Variants in CADM2 observed in about 807,000 individuals in gnomAD.
CADM2 encodes cell adhesion molecule 2.
CADM2 carries 12 observed loss-of-function variants against 49.8 expected under a neutral mutation model. That is an observed-to-expected ratio of 0.24 (90% confidence interval 0.15 to 0.39). The LOEUF (loss-of-function observed/expected upper bound fraction) is 0.39, where lower values mean the gene tolerates loss of function less well. Ranked by LOEUF, CADM2 falls within the 10% of genes least tolerant of loss-of-function variation. CADM2 has a pLI of 1.00. For missense variants in CADM2, 378 were observed against 492.3 expected (o/e 0.77, Z 2.20); for synonymous variants, 214 against 175.4 (o/e 1.22, Z -1.74).
intron 5 of CADM2, among the ~76,000 whole-genome samples, chr3:85,894,271 C>T (rs1714899297): frequency 6.6e-6 from 1 of 152,124 alleles, no homozygotes. Context: ...ACCGCATGTT[C>T]TCACTCATAT....
chr3:85,008,645 A>C (rs1432974149), intron 1 of CADM2, among the ~76,000 whole-genome samples: 1 of 152,162 alleles, frequency 6.6e-6, no homozygotes, highest in Non-Finnish European at 1.5e-5. Context: ...TTAGAAAAAA[A>C]AATTGATTTC....
intron 1 of CADM2, among the ~76,000 whole-genome samples, chr3:85,075,242 A>G (rs977351206): frequency 6.6e-6 from 1 of 151,236 alleles, no homozygotes; most frequent in African/African-American, 2.4e-5. Context: ...TTTTTTTAAT[A>G]TCATAAGGTC....
chr3:86,055,148 G>T (rs1191005311), intron 8 of CADM2, among the ~76,000 whole-genome samples: 1 of 152,152 alleles, frequency 6.6e-6, no homozygotes, highest in Non-Finnish European at 1.5e-5. Flanking sequence ...GTTGCAGGAT[G>T]TCTAACCTTA....
chr3:85,220,129 A>T (rs900079056), intron 1 of CADM2, among the ~76,000 whole-genome samples: 1 of 151,928 alleles, frequency 6.6e-6, no homozygotes, highest in Non-Finnish European at 1.5e-5. Context: ...ATACACTAAA[A>T]TTTTTTTGGC....
At chr3:84,997,569 C>T (rs1001101182) in intron 1 of CADM2, among the ~76,000 whole-genome samples, 45 of 151,930 alleles carry the variant, frequency 3.0e-4, no homozygotes, top group African/African-American at 9.9e-4. Flanking sequence ...TCTGAAATAA[C>T]TGAGTTTTTC....
At chr3:85,536,287 A>C (rs771854691) in intron 1 of CADM2, among the ~76,000 whole-genome samples, 1 of 151,964 alleles carries the variant, frequency 6.6e-6, no homozygotes, top group Non-Finnish European at 1.5e-5. Context: ...ATTCGTTAGG[A>C]AGGAGAAATT....
In CADM2 at chr3:85,178,295, T is replaced by C. The variant is rs117673200; in HGVS notation, c.61+218627T>C. 9.1e-4 allele frequency among the ~76,000 whole-genome samples: 138 copies of C among 152,016 alleles called. No individual in the cohort carries two copies. The East Asian group carries it at 0.015, about 16-fold the overall frequency. ...AGAATATATTTTTTATTTTATTGAATTTTTATAATTGGTACACATTATACA... is the reference window on the plus strand; with the variant it reads ...AGAATATATTTTTTATTTTATTGAACTTTTATAATTGGTACACATTATACA... On this transcript the variant is annotated intron_variant, in intron 1 of 9. Transcript: ENST00000383699.
At chr3:85,874,909 C>T (rs1711592695) in intron 3 of CADM2, among the ~76,000 whole-genome samples, 1 of 152,088 alleles carries the variant, frequency 6.6e-6, no homozygotes, top group South Asian at 2.1e-4. Context: ...AGTCTTCTCT[C>T]ATAAAACTAC....
intron 1 of CADM2, among the ~76,000 whole-genome samples, chr3:85,548,999 A>G (rs1050632822): frequency 2.6e-5 from 4 of 152,242 alleles, no homozygotes; most frequent in Non-Finnish European, 4.4e-5. Flanking sequence ...TTATAGTGCT[A>G]CATAATAGAC....
chr3:85,019,644 A>C (rs1400804551), intron 1 of CADM2, among the ~76,000 whole-genome samples: 1 of 152,200 alleles, frequency 6.6e-6, no homozygotes. Context: ...TAGAGAAACA[A>C]GGCTAGCAAA....
At chr3:85,835,442 CA>C (rs1248789489) in intron 3 of CADM2, among the ~76,000 whole-genome samples, 3 of 150,638 alleles carry the variant, frequency 2.0e-5, no homozygotes, top group Non-Finnish European at 4.4e-5. Context: ...TTGGAAACTT[CA>C]AGAAGCTTTG....
At chr3:85,652,275 T>C (rs1443139282) in intron 1 of CADM2, among the ~76,000 whole-genome samples, 1 of 152,156 alleles carries the variant, frequency 6.6e-6, no homozygotes, top group African/African-American at 2.4e-5. Flanking sequence ...ATGAGCCTTC[T>C]AGAAGCAGGG....
intron 1 of CADM2, among the ~76,000 whole-genome samples, chr3:85,228,266 A>C (rs1400433415): frequency 6.6e-6 from 1 of 152,060 alleles, no homozygotes; most frequent in South Asian, 2.1e-4. Context: ...TACACCAATC[A>C]AATGTAGGTT....
At chr3:85,450,633 G>A (rs1398834921) in intron 1 of CADM2, among the ~76,000 whole-genome samples, 1 of 151,624 alleles carries the variant, frequency 6.6e-6, no homozygotes, top group East Asian at 1.9e-4. Context: ...TTTGTATTTT[G>A]CTCCTGTGAA....
At position 85,274,195 on chromosome 3, in the gene CADM2, G is replaced by C. The variant is rs1426368546; in HGVS notation, c.61+314527G>C. Among the ~76,000 whole-genome samples the C allele has an allele frequency of 1.3e-5, 2 of 151,376 alleles. 1 individual carries two copies. On this transcript the variant is annotated intron_variant, in intron 1 of 9. Coordinates refer to ENST00000383699, the MANE Select transcript of CADM2 (RefSeq NM_001167675.2). ...GAGGAGGGGAATTAAAGTTAGTATA[G>C]CATTTTTGAGGAGTTTTGATGAGAA...
At chr3:85,398,015 T>A (rs945838053) in intron 1 of CADM2, among the ~76,000 whole-genome samples, 20 of 152,310 alleles carry the variant, frequency 1.3e-4, no homozygotes, top group African/African-American at 4.8e-4. Flanking sequence ...TTCTTTTTTT[T>A]TTAATTATAC....
chr3:85,301,588 A>G (rs1284422624), intron 1 of CADM2, among the ~76,000 whole-genome samples: 6 of 152,058 alleles, frequency 3.9e-5, no homozygotes, highest in African/African-American at 1.4e-4. Context: ...CAGCTTATTT[A>G]GAAGTGGGTG....
chr3:85,854,312 A>C (rs978177963), intron 3 of CADM2, among the ~76,000 whole-genome samples: 1 of 152,186 alleles, frequency 6.6e-6, no homozygotes, highest in Non-Finnish European at 1.5e-5. Context: ...TCATTCTACT[A>C]TAAAGACACA....
Position 85,201,596 on chromosome 3 carries a change from T to A in CADM2, c.61+241928T>A, listed in dbSNP as rs1467401717. 2.0e-5 allele frequency among the ~76,000 whole-genome samples: 3 copies of A among 152,320 alleles called. No individual in the cohort carries two copies. The East Asian group carries it at 5.8e-4, about 29-fold the overall frequency. ...ATGATTTCTTTGCAGTATGTGATGA[T>A]GTTTGATAGCATTTTACCCACAGCA... is the stretch of plus-strand genomic sequence containing the variant. On this transcript the variant is annotated intron_variant, in intron 1 of 9. Coordinates refer to ENST00000383699, the MANE Select transcript of CADM2 (RefSeq NM_001167675.2).
Sources: allele counts gnomAD v4.1 joint callset (sites outside exome capture counted in the v4.1 genomes callset), GRCh38; gene constraint gnomAD v4.1.1; transcripts MANE v1.5; gene names NCBI Gene and HGNC (gene_info 2026-07-23, HGNC 2026-07-21).